Variants in RSF1 observed in about 807,000 individuals in gnomAD.
RSF1 encodes the protein remodeling and spacing factor 1, also known as HBV pX-associated protein 8.
RSF1 carries 13 observed loss-of-function variants against 145.2 expected under a neutral mutation model. The ratio of observed to expected loss-of-function variants is 0.09; its 90% CI spans 0.06 to 0.14. RSF1 has a LOEUF of 0.14. Ranked by LOEUF, RSF1 falls within the 10% of genes least tolerant of loss-of-function variation. RSF1 has a pLI of 1.00. For synonymous variants in RSF1, 577 were observed against 592.6 expected, an observed-to-expected ratio of 0.97 and a Z score of 0.38; for missense variants, 1,517 against 1,718.2, an observed-to-expected ratio of 0.88 and a Z score of 2.07.
At chr11:77,811,563 T>C (rs1434394446) in intron 1 of RSF1, among the ~76,000 whole-genome samples, 1 of 152,186 alleles carries the variant, frequency 6.6e-6, no homozygotes, top group Non-Finnish European at 1.5e-5. Flanking sequence ...AGCAGACTAA[T>C]GACGGGTACA....
chr11:77,682,674 G>A (rs995583347), intron 11 of RSF1, among the ~76,000 whole-genome samples: 3 of 152,164 alleles, frequency 2.0e-5, no homozygotes, highest in African/African-American at 7.2e-5. Context: ...ACAAGTCCAC[G>A]TAAAACAGAC....
the RSF1 span, among the ~76,000 whole-genome samples, chr11:77,863,033 G>A: frequency 3.5e-4 from 53 of 152,090 alleles, no homozygotes; most frequent in Non-Finnish European, 6.9e-4. Flanking sequence ...GTGGTGGGCC[G>A]CTTCTAAGAT....
chr11:77,788,861 A>C (rs192754872), intron 1 of RSF1, among the ~76,000 whole-genome samples: 3 of 152,312 alleles, frequency 2.0e-5, no homozygotes, highest in African/African-American at 7.2e-5. Context: ...AGATAATGAC[A>C]CTTTGAATAG....
At chr11:77,763,746 T>A (rs1433451089) in intron 2 of RSF1, 2 of 151,992 alleles carry the variant, frequency 1.3e-5, no homozygotes, top group Non-Finnish European at 2.9e-5. Flanking sequence ...AAAGGACAAA[T>A]AAGTTGGCTA....
intron 11 of RSF1, among the ~76,000 whole-genome samples, chr11:77,679,449 G>C (rs1168550726): frequency 6.6e-6 from 1 of 152,160 alleles, no homozygotes; most frequent in South Asian, 2.1e-4. Context: ...AAGGCAGGCA[G>C]ATCACTTGAG....
At chr11:77,806,033 T>C (rs1428865508) in intron 1 of RSF1, among the ~76,000 whole-genome samples, 4 of 152,178 alleles carry the variant, frequency 2.6e-5, no homozygotes, top group Admixed American at 1.3e-4. Context: ...TCACTCCCTA[T>C]GGCCACTTCC....
At chr11:77,676,152 T>C (rs986532519) in intron 13 of RSF1, among the ~76,000 whole-genome samples, 4 of 152,310 alleles carry the variant, frequency 2.6e-5, no homozygotes, top group Non-Finnish European at 5.9e-5. Context: ...TGATTCCAAA[T>C]ACTCATTCTT....
At chr11:77,718,673 C>CA (rs1960874121) in intron 5 of RSF1, among the ~76,000 whole-genome samples, 1 of 152,166 alleles carries the variant, frequency 6.6e-6, no homozygotes, top group African/African-American at 2.4e-5. Context: ...GAACAGAAAA[C>CA]AGATAGCTTT....
At chr11:77,736,201 C>T (rs762867244) in intron 4 of RSF1, among the ~76,000 whole-genome samples, 3 of 152,234 alleles carry the variant, frequency 2.0e-5, no homozygotes, top group East Asian at 1.9e-4. Context: ...AACGTTCTTG[C>T]TCCTGTCAAA....
At chr11:77,842,377 G>T in the RSF1 span, 2 of 1,107,080 alleles carry the variant, frequency 1.8e-6, no homozygotes, top group Admixed American at 2.7e-5. Context: ...ATGAAAAGAT[G>T]CTTCTTAAAT....
intron 5 of RSF1, among the ~76,000 whole-genome samples, chr11:77,724,995 C>T (rs1183272404): frequency 6.6e-6 from 1 of 152,100 alleles, no homozygotes; most frequent in Non-Finnish European, 1.5e-5. Flanking sequence ...CACAAAAGTG[C>T]AAGCATTATG....
chr11:77,790,230 G>A lies in RSF1; in HGVS notation c.188-25541C>T, dbSNP rs141503728. Among the ~76,000 whole-genome samples the A allele has an allele frequency of 3.0e-3, 453 of 152,270 alleles. 2 individuals carry two copies. The highest frequency in any genetic ancestry group is 0.01 in the African/African-American group (434 of 41,540). On this transcript the variant is annotated intron_variant, in intron 1 of 15. Transcript: ENST00000308488. ...CACAATCATGGTAGAAGGCAAGGAG[G>A]AGCAAGTCACATCTTACATGGATGG...
chr11:77,705,676 C>G (rs1960531060), intron 5 of RSF1, among the ~76,000 whole-genome samples: 1 of 152,154 alleles, frequency 6.6e-6, no homozygotes, highest in South Asian at 2.1e-4. Context: ...AGGGAGTCAG[C>G]TGACTGGTGC....
chr11:77,685,835 T>C (rs1959989316), intron 9 of RSF1, among the ~76,000 whole-genome samples: 1 of 152,212 alleles, frequency 6.6e-6, no homozygotes, highest in South Asian at 2.1e-4. Flanking sequence ...AGAAAGTTTT[T>C]AGTAATATTT....
intron 13 of RSF1, among the ~76,000 whole-genome samples, chr11:77,675,601 G>C (rs1393832048): frequency 6.6e-6 from 1 of 152,062 alleles, no homozygotes; most frequent in Non-Finnish European, 1.5e-5. Context: ...CACTCATCCG[G>C]TAACTCCAAC....
chr11:77,833,009 A>ATTTTT, the RSF1 span, among the ~76,000 whole-genome samples: 643 of 60,002 alleles, frequency 0.011, 69 homozygotes, highest in South Asian at 0.017. Flanking sequence ...ATATATATAT[A>ATTTTT]TTTTTTTTTT....
At chr11:77,813,699 C>G (rs368959253) in intron 1 of RSF1, 2 of 457,248 alleles carry the variant, frequency 4.4e-6, no homozygotes, top group South Asian at 3.9e-5. Context: ...GCTTCCTGAC[C>G]GACTTGTTCC....
chr11:77,727,488 T>TG (rs952818848), intron 4 of RSF1, among the ~76,000 whole-genome samples: 8 of 149,482 alleles, frequency 5.4e-5, no homozygotes, highest in African/African-American at 2.0e-4. Context: ...TTTTTTTTTT[T>TG]TTTTTGAGAT....
intron 1 of RSF1, among the ~76,000 whole-genome samples, chr11:77,778,184 A>G (rs1281947561): frequency 1.6e-3 from 6 of 3,826 alleles, no homozygotes; most frequent in Non-Finnish European, 2.1e-3. Context: ...AGTGGAGGGG[A>G]GGGGTGGGGG....
Sources: allele counts gnomAD v4.1 joint callset (sites outside exome capture counted in the v4.1 genomes callset), GRCh38; gene constraint gnomAD v4.1.1; transcripts MANE v1.5; gene names NCBI Gene and HGNC (gene_info 2026-07-23, HGNC 2026-07-21).